The following RALGPS2 variants were observed in gnomAD, a reference collection of about 807,000 sequenced individuals.
RALGPS2 encodes the protein Ral GEF with PH domain and SH3 binding motif 2, also known as ras-specific guanine nucleotide-releasing factor RalGPS2.
A neutral mutation model predicts 86.8 loss-of-function variants in RALGPS2; 43 were observed. That is an observed-to-expected ratio of 0.50 (90% CI 0.39 to 0.64). The LOEUF (loss-of-function observed/expected upper bound fraction) is 0.64, where lower values mean the gene tolerates loss of function less well. RALGPS2 is among the 30% of genes least tolerant of loss of function. RALGPS2 has a pLI of 0.00. For synonymous variants in RALGPS2, 243 were observed against 231.3 expected, an observed-to-expected ratio of 1.05 and a Z score of -0.46; for missense variants, 536 against 694.6, an observed-to-expected ratio of 0.77 and a Z score of 2.57.
chr1:178,810,612 A>G (rs1654932099), intron 5 of RALGPS2, among the ~76,000 whole-genome samples: 1 of 151,646 alleles, frequency 6.6e-6, no homozygotes, highest in South Asian at 2.1e-4. Flanking sequence ...AGTAACAAGT[A>G]TTAAGGTGAC....
At chr1:178,790,953 C>T (rs1463290824) in intron 4 of RALGPS2, among the ~76,000 whole-genome samples, 1 of 152,032 alleles carries the variant, frequency 6.6e-6, no homozygotes, top group Non-Finnish European at 1.5e-5. Flanking sequence ...CAAAATTAAA[C>T]CTCAGATATT....
In RALGPS2 at chr1:178,917,261, T is replaced by C. The variant is rs1278837751; in HGVS notation, c.*902T>C. On this transcript the variant is annotated 3_prime_UTR_variant, in exon 20 of 20. Transcript: ENST00000367635. ...GAGATTTTACAATAATTAGATCTTTTTCCAAGTTAATTGGGTTTTCCCTTC... is the reference window on the plus strand; with the variant it reads ...GAGATTTTACAATAATTAGATCTTTCTCCAAGTTAATTGGGTTTTCCCTTC... The C allele has an allele frequency of 3.3e-5, 5 of 152,178 alleles. No homozygotes were observed. Among genetic ancestry groups the C allele is most frequent in the Non-Finnish European group, 7.4e-5 (5 of 68,014 alleles). 9.4% of individuals were successfully genotyped at this position (152,178 alleles called of 1,614,324 possible).
intron 4 of RALGPS2, among the ~76,000 whole-genome samples, chr1:178,792,187 A>G (rs1653987349): frequency 6.6e-6 from 1 of 152,218 alleles, no homozygotes; most frequent in Admixed American, 6.5e-5. Context: ...ATGTTTACCA[A>G]AGAAAAGAAT....
rs571752111 is a variant in RALGPS2, at chr1:178,885,182, A to G, written c.1011A>G (p.Gly337=). The change falls in exon 12 of 20, where the codon GGA becomes GGG. Residue 337 remains glycine, a synonymous_variant. Transcript: ENST00000367635. ...CCCCTCGGAATCTGATTCCACATGG[A>G]CATAGGAAGTGCCATAGTTTGGGTT... ...PPSPRNLIPH[G]HRKCHSLGYN... is the part of the protein sequence containing the mutation. The G allele has an allele frequency of 6.2e-7, 1 of 1,613,532 alleles. No individual in the cohort carries two copies. Among genetic ancestry groups the G allele is most frequent in the African/African-American group, 1.3e-5 (1 of 75,022 alleles).
chr1:178,821,756 A>AT, intron 7 of RALGPS2, 52 bp downstream of exon 7: 1 of 1,287,006 alleles, frequency 7.8e-7, no homozygotes, highest in Non-Finnish European at 1.1e-6. Flanking sequence ...TGGAAAGGAA[A>AT]GATATATTCA....
chr1:178,837,852 T>C, intron 8 of RALGPS2, among the ~76,000 whole-genome samples: 1 of 152,070 alleles, frequency 6.6e-6, no homozygotes, highest in Middle Eastern at 3.2e-3. Context: ...TTTCCAGAGG[T>C]CTTAGCAAAT....
In RALGPS2 at chr1:178,916,667, C is replaced by T. The variant is rs1346814428; in HGVS notation, c.*308C>T. On this transcript the variant is annotated 3_prime_UTR_variant, in exon 20 of 20. Coordinates refer to ENST00000367635, the MANE Select transcript of RALGPS2 (RefSeq NM_152663.5). ...GAAACACCAAATAGTGTGTGTGAAT[C>T]TTCTGGCGGTGCTGTGCTTGGAATA... 2 of 334,808 alleles carry T rather than the reference C, an allele frequency of 6.0e-6. No individual in the cohort carries two copies. Among genetic ancestry groups the T allele is most frequent in the Non-Finnish European group, 1.1e-5 (2 of 187,062 alleles). The allele number at this position is 334,808 out of a possible 1,614,324, so 20.7% of individuals were successfully genotyped here.
intron 14 of RALGPS2, among the ~76,000 whole-genome samples, chr1:178,891,445 C>T (rs926825043): frequency 3.9e-5 from 6 of 152,040 alleles, no homozygotes; most frequent in African/African-American, 1.4e-4. Context: ...ATTTTCTAGA[C>T]AGAAATCAAA....
intron 7 of RALGPS2, among the ~76,000 whole-genome samples, chr1:178,831,135 C>T (rs933754580): frequency 1.3e-5 from 2 of 152,066 alleles, no homozygotes; most frequent in African/African-American, 2.4e-5. Flanking sequence ...ATAAACAGAA[C>T]ATTCAGAGTA....
rs573281082 is a variant in RALGPS2, at chr1:178,797,490, T to C, written c.214-10555T>C. Among the ~76,000 whole-genome samples the C allele has an allele frequency of 3.0e-3, 463 of 152,238 alleles. 4 individuals carry two copies. The highest frequency in any genetic ancestry group is 0.01 in the African/African-American group (429 of 41,550). On this transcript the variant is annotated intron_variant, in intron 4 of 19. Coordinates refer to ENST00000367635, the MANE Select transcript of RALGPS2 (RefSeq NM_152663.5). Reference sequence around the variant, plus strand: ...CTTCATAATTCATTATGTAGTTTTGTTTTTATTGCTGTTTTTTAACTTTTT... The same window carrying C: ...CTTCATAATTCATTATGTAGTTTTGCTTTTATTGCTGTTTTTTAACTTTTT...
chr1:178,753,859 TCTCA>T (rs1397229426), intron 1 of RALGPS2: 2 of 149,660 alleles, frequency 1.3e-5, no homozygotes, highest in Non-Finnish European at 3.0e-5. Flanking sequence ...TGAGATGGAG[TCTCA>T]CTCTGTCGCC....
At chr1:178,905,212 G>C (rs1263418198) in intron 18 of RALGPS2, among the ~76,000 whole-genome samples, 1 of 152,110 alleles carries the variant, frequency 6.6e-6, no homozygotes, top group Non-Finnish European at 1.5e-5. Context: ...CAAAGCCCCA[G>C]CCTCCTTCCC....
chr1:178,802,663 A>G (rs1654537115), intron 4 of RALGPS2, among the ~76,000 whole-genome samples: 1 of 152,158 alleles, frequency 6.6e-6, no homozygotes, highest in South Asian at 2.1e-4. Flanking sequence ...ATAGTAGAAC[A>G]GTATGTACTA....
intron 13 of RALGPS2, among the ~76,000 whole-genome samples, chr1:178,887,632 T>C (rs1195985433): frequency 6.6e-6 from 1 of 152,208 alleles, no homozygotes; most frequent in Non-Finnish European, 1.5e-5. Context: ...AGATTGATTT[T>C]CTGGAACATA....
At position 178,865,574 on chromosome 1, in the gene RALGPS2, G is replaced by C. The variant is rs769363609; in HGVS notation, c.608-11924G>C. 1.9e-6 allele frequency: 3 copies of C among 1,613,798 alleles called. No individual in the cohort carries two copies. In the African/African-American group the frequency reaches 4.0e-5, roughly 22 times the overall value. ...AATGGTACTTGCATCTTGCCCCTTG[G>C]TGTTGACACAGATTGGCCCTGTTAT... On this transcript the variant is annotated intron_variant, in intron 8 of 19. Transcript: ENST00000367635.
At chr1:178,863,420 G>C (rs919584783) in intron 8 of RALGPS2, among the ~76,000 whole-genome samples, 1 of 152,148 alleles carries the variant, frequency 6.6e-6, no homozygotes, top group African/African-American at 2.4e-5. Flanking sequence ...ATATCATATA[G>C]AAAACATGTT....
Position 178,784,405 on chromosome 1 carries a change from T to C in RALGPS2, c.58-13T>C, listed in dbSNP as rs1212860109. On this transcript the variant is annotated splice_polypyrimidine_tract_variant and intron_variant, in intron 2 of 19. Transcript: ENST00000367635. ...CAGTATGTAAAAGGCTGCATTTTCT[T>C]TCACTTTAACAGAAAAGTAGCAGCT... 1 of 1,585,914 alleles carries C rather than the reference T, an allele frequency of 6.3e-7. No homozygotes were observed. The highest frequency in any genetic ancestry group is 8.6e-7 in the Non-Finnish European group (1 of 1,161,266).
intron 4 of RALGPS2, among the ~76,000 whole-genome samples, chr1:178,805,846 C>G (rs914718598): frequency 6.6e-6 from 1 of 152,026 alleles, no homozygotes; most frequent in African/African-American, 2.4e-5. Flanking sequence ...TTTCTTTGAG[C>G]TAAAATGTAC....
At chr1:178,872,010 T>C (rs1346410711) in intron 8 of RALGPS2, among the ~76,000 whole-genome samples, 1 of 152,246 alleles carries the variant, frequency 6.6e-6, no homozygotes, top group African/African-American at 2.4e-5. Context: ...TAGGCTTAAG[T>C]AACTTAGCTT....
Sources: gnomAD v4.1 joint callset for allele counts (sites outside exome capture counted in the v4.1 genomes callset) on GRCh38, gnomAD v4.1.1 for gene constraint, MANE v1.5 for transcripts, NCBI Gene and HGNC (gene_info 2026-07-23, HGNC 2026-07-21) for gene names.